The following FAM13B variants were observed in gnomAD, a reference collection of about 807,000 sequenced individuals.
FAM13B encodes protein FAM13B.
Under a neutral mutation model 117.3 loss-of-function variants are expected in FAM13B, and 60 were observed. The observed-to-expected ratio is 0.51, with a 90% CI of 0.42 to 0.63. The LOEUF (loss-of-function observed/expected upper bound fraction) is 0.63. Ranked by LOEUF, FAM13B falls within the 30% of genes least tolerant of loss-of-function variation. FAM13B has a pLI of 0.00. For synonymous variants in FAM13B, 332 were observed against 356.1 expected (o/e 0.93, Z 0.76); for missense variants, 972 against 1,091.9 (o/e 0.89, Z 1.55).
Position 138,007,041 on chromosome 5 carries a change from T to C in FAM13B, c.797A>G (p.Gln266Arg). 6.2e-7 allele frequency: 1 copy of C among 1,613,362 alleles called. No homozygotes were observed. The highest frequency in any genetic ancestry group is 8.5e-7 in the Non-Finnish European group (1 of 1,179,814). ...CAGGATGTTTTCAGTCATCCTTAAT[T>C]GTACCACCTCTGGCATGTCATTTGA... ...EKSNDMPEVV[Q>R]LRMTENILES... Residue 266 changes from glutamine to arginine, a missense_variant, in exon 7 of 24, where the codon CAA (glutamine) becomes CGA (arginine). By Grantham distance (43) the Gln-to-Arg change is conservative. Transcript: ENST00000689681.
chr5:137,946,133 C>G, intron 19 of FAM13B, 95 bp downstream of exon 19: 1 of 1,284,848 alleles, frequency 7.8e-7, no homozygotes, highest in Non-Finnish European at 1.1e-6. Context: ...GGAAATAATG[C>G]TCAAAAAACA....
intron 1 of FAM13B, among the ~76,000 whole-genome samples, chr5:138,045,014 C>A (rs1442892103): frequency 6.6e-6 from 1 of 152,228 alleles, no homozygotes; most frequent in Admixed American, 6.5e-5. Context: ...AGCAGAATCT[C>A]TTTCACTGCT....
intron 4 of FAM13B, among the ~76,000 whole-genome samples, chr5:138,016,838 CAG>C (rs1347788317): frequency 2.6e-5 from 4 of 152,112 alleles, no homozygotes; most frequent in African/African-American, 9.7e-5. Flanking sequence ...ATTCAGCTAA[CAG>C]AGGGAACATG....
rs2150086503 is a variant in FAM13B at position 137,940,135 on chromosome 5, A to G, written c.*90T>C. 6.2e-7 allele frequency: 1 copy of G among 1,614,118 alleles called. No homozygotes were observed. The highest frequency in any genetic ancestry group is 2.2e-5 in the East Asian group (1 of 44,872). ...AAATGAGATTCTCTGAGTGCCTGACAAAACGAATTTAAGTACCAGCCAAGT... is the reference window on the plus strand; with the variant it reads ...AAATGAGATTCTCTGAGTGCCTGACGAAACGAATTTAAGTACCAGCCAAGT... On this transcript the variant is annotated 3_prime_UTR_variant, in exon 24 of 24. Transcript: ENST00000689681.
chr5:138,045,850 C>T (rs1323352856), intron 1 of FAM13B, among the ~76,000 whole-genome samples: 1 of 150,624 alleles, frequency 6.6e-6, no homozygotes, highest in Non-Finnish European at 1.5e-5. Context: ...GAGGCTGAGG[C>T]AGGAGAATCA....
intron 7 of FAM13B, among the ~76,000 whole-genome samples, chr5:137,995,587 T>C (rs1329535073): frequency 1.3e-5 from 2 of 152,118 alleles, no homozygotes; most frequent in African/African-American, 2.4e-5. Context: ...TTTTGAAAAA[T>C]GAACATATAA....
intron 10 of FAM13B, among the ~76,000 whole-genome samples, chr5:137,973,132 A>G (rs1323562417): frequency 6.6e-6 from 1 of 152,236 alleles, no homozygotes; most frequent in Non-Finnish European, 1.5e-5. Flanking sequence ...TGGAACCAAA[A>G]AACAGCCCAC....
Position 137,953,431 on chromosome 5 carries a change from T to C in FAM13B, c.1753A>G (p.Lys585Glu), listed in dbSNP as rs1340778032. 2 of 1,613,844 alleles carry C rather than the reference T, an allele frequency of 1.2e-6. No individual in the cohort carries two copies. Among genetic ancestry groups the C allele is most frequent in the Admixed American group, 1.7e-5 (1 of 60,014 alleles). The part of the protein sequence containing the change: ...RRSSFSSKDE[K>E]REDRTPYQLV... ...TGATAAGGTGTTCTGTCCTCTCTCTTTTCATCTTTTGAACTAAAGGATGAT... is the reference window on the plus strand; with the variant it reads ...TGATAAGGTGTTCTGTCCTCTCTCTCTTCATCTTTTGAACTAAAGGATGAT... Residue 585 changes from lysine to glutamate, a missense_variant, in exon 16 of 24, where the codon AAG becomes GAG. By Grantham distance (56) the Lys-to-Glu change is moderately conservative. Coordinates refer to ENST00000689681, the MANE Select transcript of FAM13B (RefSeq NM_001385994.1).
In FAM13B at chr5:137,992,029, C is replaced by T. The variant is rs544033765; in HGVS notation, c.849-3714G>A. On this transcript the variant is annotated intron_variant, in intron 7 of 23. Coordinates refer to ENST00000689681, the MANE Select transcript of FAM13B (RefSeq NM_001385994.1). ...CTCCACGTCCGTCTCAAGGGATTCT[C>T]CTGCCTCAGACCGCCAAATAAGTGG... Among the ~76,000 whole-genome samples the T allele has an allele frequency of 7.2e-5, 11 of 152,114 alleles. No homozygotes were observed. The South Asian group carries it at 2.3e-3, about 32-fold the overall frequency.
chr5:138,049,343 G>A lies in FAM13B; in HGVS notation c.-203+2535C>T, dbSNP rs190529838. On this transcript the variant is annotated intron_variant, in intron 1 of 3. Coordinates refer to the FAM13B transcript ENST00000502471. ...GGCTGGAATACAATGGCGTGATCTC[G>A]GCTCACTACAACCTCTGCCTCCCGG... Among the ~76,000 whole-genome samples, 361 of 152,124 alleles carry A rather than the reference G, an allele frequency of 2.4e-3. 3 individuals are homozygous for A. The highest frequency in any genetic ancestry group is 8.4e-3 in the African/African-American group (349 of 41,498).
chr5:138,049,471 C>G (rs1791739248), intron 1 of FAM13B, among the ~76,000 whole-genome samples: 1 of 151,644 alleles, frequency 6.6e-6, no homozygotes, highest in African/African-American at 2.4e-5. Context: ...TGGGGTTTCA[C>G]CCTGTTGGTC....
chr5:137,999,392 A>G (rs1305590339), intron 7 of FAM13B, among the ~76,000 whole-genome samples: 1 of 152,158 alleles, frequency 6.6e-6, no homozygotes, highest in African/African-American at 2.4e-5. Context: ...CCTGGCCAAC[A>G]TGGTGAAACC....
intron 7 of FAM13B, among the ~76,000 whole-genome samples, chr5:138,000,551 C>G (rs1312766870): frequency 6.6e-6 from 1 of 152,142 alleles, no homozygotes; most frequent in African/African-American, 2.4e-5. Context: ...ATCTGAGAAG[C>G]ATTAACTTAA....
Position 137,980,913 on chromosome 5 carries a change from GTT to G in FAM13B, c.1179+4342_1179+4343del, listed in dbSNP as rs1009779788. On this transcript the variant is annotated intron_variant, in intron 10 of 23. Coordinates refer to ENST00000689681, the MANE Select transcript of FAM13B (RefSeq NM_001385994.1). Reference sequence around the variant, plus strand: ...AGACAAAAATTTCAGCCCTCATAAAGTTTTTTTTTTTTCTTCAAAGACAGGGT... The same window carrying G: ...AGACAAAAATTTCAGCCCTCATAAAGTTTTTTTTTTCTTCAAAGACAGGGT... Among the ~76,000 whole-genome samples the G allele has an allele frequency of 2.8e-5, 4 of 143,228 alleles. 1 individual carries two copies. In the Admixed American group the frequency reaches 2.8e-4, roughly 10 times the overall value. 94.0% of individuals were successfully genotyped at this position (143,228 alleles called of 152,430 possible).
At position 137,985,300 on chromosome 5, in the gene FAM13B, G is replaced by A. The variant is rs1391472083; in HGVS notation, c.1136C>T (p.Ala379Val). 1.2e-6 allele frequency: 2 copies of A among 1,613,734 alleles called. No individual in the cohort carries two copies. The highest frequency in any genetic ancestry group is 8.5e-7 in the Non-Finnish European group (1 of 1,179,934). ...CTCAAATACACAATCTTGCTGCATA[G>A]CTTCATTGTCTAAATTAGTGCTAGC... ...PVASTNLDNE[A>V]MQQDCVFENE... Residue 379 changes from alanine to valine, a missense_variant, in exon 10 of 24, where the codon GCT (alanine) becomes GTT (valine). Ala to Val is a moderately conservative substitution (Grantham distance 64, BLOSUM62 0). Coordinates refer to ENST00000689681, the MANE Select transcript of FAM13B (RefSeq NM_001385994.1).
rs1055562733 is a variant in FAM13B, at chr5:137,970,413, G to C, written c.1180-7944C>G. On this transcript the variant is annotated intron_variant, in intron 10 of 23. Transcript: ENST00000689681. ...TACTTTACAGACAAGCAAATGCTGA[G>C]AGATTCTGTCACCACCAGGCCTGCC... 3.3e-5 allele frequency among the ~76,000 whole-genome samples: 5 copies of C among 151,924 alleles called. No homozygotes were observed. The South Asian group carries it at 6.2e-4, about 19-fold the overall frequency.
chr5:137,988,307 A>G lies in FAM13B; in HGVS notation c.857T>C (p.Ile286Thr). The G allele has an allele frequency of 6.4e-7, 1 of 1,561,116 alleles. No individual in the cohort carries two copies. Among genetic ancestry groups the G allele is most frequent in the Non-Finnish European group, 8.6e-7 (1 of 1,163,436 alleles). The change falls in exon 8 of 24, where the codon ATA (isoleucine) becomes ACA (threonine). Residue 286 changes from isoleucine (I) to threonine (T), a missense_variant. Physicochemically the swap from Ile to Thr is moderately conservative, Grantham distance 89. Transcript: ENST00000689681. ...GGCTGGTAGGATGCTGATGGGAGATATATGGGTGCTGCAATCAAAGAAAGA... is the reference window on the plus strand; with the variant it reads ...GGCTGGTAGGATGCTGATGGGAGATGTATGGGTGCTGCAATCAAAGAAAGA... Reference protein sequence around the residue: ...SNSVTATSTHISPISILPAST... With the variant: ...SNSVTATSTHTSPISILPAST...
At chr5:137,961,294 G>A (rs1379385592) in intron 11 of FAM13B, among the ~76,000 whole-genome samples, 1 of 141,624 alleles carries the variant, frequency 7.1e-6, no homozygotes, top group Non-Finnish European at 1.5e-5. Context: ...TGAAGTTGAA[G>A]AGGAGAGAGC....
chr5:137,989,613 C>T (rs766263213), intron 7 of FAM13B, among the ~76,000 whole-genome samples: 1 of 151,962 alleles, frequency 6.6e-6, no homozygotes, highest in Non-Finnish European at 1.5e-5. Context: ...TCACTTGAAA[C>T]CAGGAATTCA....
Sources: allele counts gnomAD v4.1 joint callset (sites outside exome capture counted in the v4.1 genomes callset), GRCh38; gene constraint gnomAD v4.1.1; transcripts MANE v1.5; gene names NCBI Gene and HGNC (gene_info 2026-07-23, HGNC 2026-07-21).